OSBPL3: variants seen among roughly 807,000 people sequenced by gnomAD.
OSBPL3 encodes the protein oxysterol binding protein like 3.
In OSBPL3, 65 loss-of-function variants were observed where a neutral mutation model predicts 120.1. The observed-to-expected ratio is 0.54, with a 90% confidence interval of 0.44 to 0.67. The LOEUF (loss-of-function observed/expected upper bound fraction) is 0.67, where lower values mean the gene tolerates loss of function less well. Among genes scored for constraint, OSBPL3 ranks in the 30% least tolerant of loss-of-function variants. The pLI is 0.00. For synonymous variants in OSBPL3, 416 were observed against 402.6 expected (o/e 1.03, Z -0.40); for missense variants, 1,004 against 1,082.1 (o/e 0.93, Z 1.01).
At position 24,867,611 on chromosome 7, in the gene OSBPL3, G is replaced by C. The variant is rs1801516613; in HGVS notation, c.382-1374C>G. Among the ~76,000 whole-genome samples, 1 of 152,136 alleles carries C rather than the reference G, an allele frequency of 6.6e-6. No individual in the cohort carries two copies. The highest frequency in any genetic ancestry group is 6.5e-5 in the Admixed American group (1 of 15,286). On this transcript the variant is annotated intron_variant, in intron 5 of 22. Transcript: ENST00000313367. This position sits in a 1 kb window ranked among gnomAD's most constrained non-coding sequence, Gnocchi z 4.5. Reference sequence around the variant, plus strand: ...CCACCATCCACAGATGATGTCACTTGCTCCTATTTGCCTTCTGCCATGACT... The same window carrying C: ...CCACCATCCACAGATGATGTCACTTCCTCCTATTTGCCTTCTGCCATGACT...
In OSBPL3 at chr7:24,822,340, T is replaced by A. The variant is rs1795227246; in HGVS notation, c.1885-2102A>T. On this transcript the variant is annotated intron_variant, in intron 16 of 22. Transcript: ENST00000313367. The surrounding 1 kb of genome is among the most constrained non-coding windows in gnomAD (Gnocchi z 5.8). ...AGGTGCAGTGGCATAGCCCTGTAAT[T>A]CCAGCTACTTGGGAGGCTGAGGCAG... Among the ~76,000 whole-genome samples the A allele has an allele frequency of 1.3e-5, 2 of 152,108 alleles. No individual in the cohort carries two copies. Among genetic ancestry groups the A allele is most frequent in the South Asian group, 4.2e-4 (2 of 4,816 alleles).
upstream of OSBPL3, among the ~76,000 whole-genome samples, chr7:24,981,020 A>G (rs1818281992): frequency 6.6e-6 from 1 of 152,050 alleles, no homozygotes; most frequent in Admixed American, 6.5e-5. The surrounding 1 kb of genome is among the most constrained non-coding windows in gnomAD (Gnocchi z 7.3). Context: ...GAAGGGCATG[A>G]GCATTTAGTG....
chr7:24,978,318 C>T (rs1817810142), intron 1 of OSBPL3, among the ~76,000 whole-genome samples: 1 of 152,210 alleles, frequency 6.6e-6, no homozygotes, highest in Non-Finnish European at 1.5e-5. Flanking sequence ...GAGAAGGTTT[C>T]ATTTATTCAT....
chr7:24,844,289 G>A (rs950292516), intron 12 of OSBPL3, among the ~76,000 whole-genome samples: 4 of 152,134 alleles, frequency 2.6e-5, no homozygotes, highest in Non-Finnish European at 5.9e-5. Context: ...CCTACAGCCC[G>A]GGCGCCACAT....
At chr7:24,892,192 C>T (rs1038588803) in intron 2 of OSBPL3, among the ~76,000 whole-genome samples, 185 bp downstream of exon 2, 1 of 152,160 alleles carries the variant, frequency 6.6e-6, no homozygotes, top group Admixed American at 6.6e-5. Flanking sequence ...TGCAGTTCTT[C>T]CCACCTGGTA....
chr7:24,969,031 G>A (rs920586741), intron 1 of OSBPL3, among the ~76,000 whole-genome samples: 1 of 152,170 alleles, frequency 6.6e-6, no homozygotes, highest in Non-Finnish European at 1.5e-5. Context: ...TGTTATTGCT[G>A]ATTCAAAGAG....
chr7:24,869,537 T>C (rs1032646685), intron 5 of OSBPL3, among the ~76,000 whole-genome samples: 1 of 152,180 alleles, frequency 6.6e-6, no homozygotes, highest in African/African-American at 2.4e-5. Flanking sequence ...TCTGGAGACA[T>C]TTTTGTTGTC....
At chr7:24,902,624 CA>C (rs150008531) in intron 1 of OSBPL3, among the ~76,000 whole-genome samples, 15,235 of 151,540 alleles carry the variant, frequency 0.1, 876 homozygotes, top group East Asian at 0.27. Flanking sequence ...AATTGCTATT[CA>C]AAACGGCCAC....
chr7:24,838,058 A>C (rs1797233472), intron 14 of OSBPL3, among the ~76,000 whole-genome samples: 1 of 152,228 alleles, frequency 6.6e-6, no homozygotes, highest in African/African-American at 2.4e-5. Flanking sequence ...TTCTGTATCC[A>C]ATCTTTTCAG....
At chr7:24,880,995 T>C (rs918937695) in intron 2 of OSBPL3, among the ~76,000 whole-genome samples, 7 of 152,234 alleles carry the variant, frequency 4.6e-5, no homozygotes, top group Admixed American at 2.0e-4. Flanking sequence ...TGCACTCAGA[T>C]ATAATACTCT....
intron 1 of OSBPL3, among the ~76,000 whole-genome samples, chr7:24,893,376 A>T (rs1347206841): frequency 6.6e-6 from 1 of 152,250 alleles, no homozygotes; most frequent in Non-Finnish European, 1.5e-5. Flanking sequence ...CCAGACACAA[A>T]AAAATAAACA....
At position 24,870,755 on chromosome 7, in the gene OSBPL3, C is replaced by A. The variant is rs1447147188; in HGVS notation, c.358G>T (p.Glu120Ter). 6.2e-7 allele frequency: 1 copy of A among 1,609,204 alleles called. No individual in the cohort carries two copies. Among genetic ancestry groups the A allele is most frequent in the Non-Finnish European group, 8.5e-7 (1 of 1,175,596 alleles). The change falls in exon 5 of 23, where the codon GAG (glutamate) becomes TAG (stop). Residue 120 changes from glutamate to a stop codon, truncating the protein, a stop_gained. Transcript: ENST00000313367. LOFTEE classifies it high-confidence loss of function. Reference sequence around the variant, plus strand: ...ACCTTCAGATGGTAGATGTGCTCCTCGGTGTCAAGGTCTATGCATTTTGAT... The same window carrying A: ...ACCTTCAGATGGTAGATGTGCTCCTAGGTGTCAAGGTCTATGCATTTTGAT... ...KSSKCIDLDT[E>*]EHIYHLKVKS...
rs765706571 is a variant in OSBPL3, at chr7:24,964,153, G to A, written c.-150+15733C>T. Among the ~76,000 whole-genome samples, 1 of 152,074 alleles carries A rather than the reference G, an allele frequency of 6.6e-6. No individual in the cohort carries two copies. Among genetic ancestry groups the A allele is most frequent in the Admixed American group, 6.5e-5 (1 of 15,282 alleles). ...CAAATGGAGAAGAAGAAACAAATCC[G>A]ACTCACAGAAGAATGTCAAATAATT... On this transcript the variant is annotated intron_variant, in intron 1 of 22. Coordinates refer to ENST00000313367, the MANE Select transcript of OSBPL3 (RefSeq NM_015550.4). This position sits in a 1 kb window ranked among gnomAD's most constrained non-coding sequence, Gnocchi z 4.2.
chr7:24,847,296 C>T (rs1176637354), intron 12 of OSBPL3, among the ~76,000 whole-genome samples: 1 of 152,092 alleles, frequency 6.6e-6, no homozygotes, highest in Non-Finnish European at 1.5e-5. Flanking sequence ...AATAACTTTA[C>T]CTTTGCTGGG....
In OSBPL3 at chr7:24,973,058, T is replaced by C. The variant is rs528479520; in HGVS notation, c.-150+6828A>G. 6.6e-5 allele frequency among the ~76,000 whole-genome samples: 10 copies of C among 152,316 alleles called. No individual in the cohort carries two copies. In the South Asian group the frequency reaches 8.3e-4, roughly 13 times the overall value. ...TAAACAAAATAGCAAACTTTAGTTA[T>C]AGTAACTGTCAGAGATCCTCTGCCA... is the stretch of plus-strand genomic sequence containing the variant. On this transcript the variant is annotated intron_variant, in intron 1 of 22. Coordinates refer to ENST00000313367, the MANE Select transcript of OSBPL3 (RefSeq NM_015550.4).
intron 12 of OSBPL3, among the ~76,000 whole-genome samples, chr7:24,843,161 A>C (rs1014165208): frequency 1.3e-5 from 2 of 152,172 alleles, no homozygotes; most frequent in African/African-American, 4.8e-5. Context: ...ATGGCAGGAT[A>C]TAACAATGAA....
At position 24,899,885 on chromosome 7, in the gene OSBPL3, A is replaced by AT. The variant is rs1169724220; in HGVS notation, c.-149-7265dup. 6.6e-6 allele frequency among the ~76,000 whole-genome samples: 1 copy of AT among 152,228 alleles called. No individual in the cohort carries two copies. Among genetic ancestry groups the AT allele is most frequent in the African/African-American group, 2.4e-5 (1 of 41,472 alleles). On this transcript the variant is annotated intron_variant, in intron 1 of 22. Coordinates refer to ENST00000313367, the MANE Select transcript of OSBPL3 (RefSeq NM_015550.4). This position sits in a 1 kb window ranked among gnomAD's most constrained non-coding sequence, Gnocchi z 4.0. ...GAATTTCTATCTAGAGACGGGCCTG[A>AT]TAATCTGCATGTTTAACACATGCCC...
At chr7:24,839,309 A>T (rs1185315933) in intron 14 of OSBPL3, among the ~76,000 whole-genome samples, 2 of 152,218 alleles carry the variant, frequency 1.3e-5, no homozygotes, top group Non-Finnish European at 2.9e-5. Flanking sequence ...TCAGGTGGGC[A>T]GATTCTTTTT....
At chr7:24,810,183 G>A (rs759847242) in intron 19 of OSBPL3, 12 of 481,082 alleles carry the variant, frequency 2.5e-5, no homozygotes, top group Non-Finnish European at 4.1e-5. Context: ...GCTAAATCAA[G>A]CTGATTAACA....
Sources: allele counts gnomAD v4.1 joint callset (sites outside exome capture counted in the v4.1 genomes callset), GRCh38; gene constraint gnomAD v4.1.1; non-coding constraint Gnocchi (gnomAD v3.1); transcripts MANE v1.5; gene names NCBI Gene and HGNC (gene_info 2026-07-23, HGNC 2026-07-21).